The following BRD10 variants were observed in gnomAD, a reference collection of about 807,000 sequenced individuals.
The protein encoded by BRD10 is bromodomain containing 10.
the BRD10 span, among the ~76,000 whole-genome samples, chr9:6,003,416 C>T: frequency 1.3e-5 from 2 of 152,100 alleles, no homozygotes; most frequent in African/African-American, 4.8e-5. Context: ...ATTTTCTATT[C>T]CTTTCCACTT....
At chr9:6,001,402 C>T in the BRD10 span, among the ~76,000 whole-genome samples, 1 of 152,148 alleles carries the variant, frequency 6.6e-6, no homozygotes, top group Admixed American at 6.5e-5. Context: ...ATGATTGGCC[C>T]CAGACTATCT....
At chr9:5,920,500 C>T in the BRD10 span, 9 of 1,613,844 alleles carry the variant, frequency 5.6e-6, no homozygotes, top group Admixed American at 1.2e-4. Context: ...CTAAAGCTTG[C>T]TGATTTGGCA....
At chr9:5,880,195 A>C in the BRD10 span, among the ~76,000 whole-genome samples, 1 of 151,764 alleles carries the variant, frequency 6.6e-6, no homozygotes, top group Admixed American at 6.6e-5. Flanking sequence ...CTGGGATTAC[A>C]GGTGTGAGCC....
the BRD10 span, chr9:5,919,872 G>C: frequency 6.2e-7 from 1 of 1,613,936 alleles, no homozygotes; most frequent in Non-Finnish European, 8.5e-7. Context: ...TTTTTGACAG[G>C]TGGGTCCAAA....
the BRD10 span, chr9:5,988,319 T>C: frequency 6.4e-7 from 1 of 1,569,278 alleles, no homozygotes; most frequent in East Asian, 2.2e-5. Context: ...GCAGCTGAAA[T>C]TATGAATTTT....
At chr9:5,896,409 C>G in the BRD10 span, among the ~76,000 whole-genome samples, 1 of 152,204 alleles carries the variant, frequency 6.6e-6, no homozygotes, top group South Asian at 2.1e-4. Context: ...GAGTTTCCAT[C>G]TAGCACTGTC....
chr9:5,954,530 T>C, the BRD10 span, among the ~76,000 whole-genome samples: 2 of 152,242 alleles, frequency 1.3e-5, no homozygotes, highest in East Asian at 1.9e-4. Context: ...GCCAGCCTAA[T>C]GTGAAAATCC....
chr9:5,984,005 A>ACC, the BRD10 span, among the ~76,000 whole-genome samples: 42 of 145,190 alleles, frequency 2.9e-4, no homozygotes, highest in Non-Finnish European at 4.9e-4. Context: ...ACACACACAC[A>ACC]CCCCTCTCCA....
chr9:5,950,827 C>T, the BRD10 span, among the ~76,000 whole-genome samples: 1 of 151,998 alleles, frequency 6.6e-6, no homozygotes, highest in African/African-American at 2.4e-5. Context: ...ATAACACATC[C>T]TCCCATATAC....
At chr9:5,928,926 A>C in the BRD10 span, 6 of 571,310 alleles carry the variant, frequency 1.1e-5, no homozygotes, top group East Asian at 1.8e-4. Context: ...TGGGCAGTCA[A>C]AAATATCTGC....
the BRD10 span, chr9:5,921,185 G>A: frequency 1.2e-6 from 2 of 1,613,890 alleles, no homozygotes; most frequent in South Asian, 1.1e-5. Context: ...TTCTCCTTTT[G>A]GGGTTACATT....
chr9:5,986,921 C>T, the BRD10 span, among the ~76,000 whole-genome samples: 1 of 152,196 alleles, frequency 6.6e-6, no homozygotes, highest in African/African-American at 2.4e-5. Context: ...TACCTGGACT[C>T]ACCTTTTCAA....
chr9:5,968,043 C>G, the BRD10 span: 9 of 1,486,160 alleles, frequency 6.1e-6, no homozygotes, highest in Non-Finnish European at 7.2e-6. Context: ...TTGTGTTTTG[C>G]TTTTTTTTTG....
chr9:5,944,338 G>C, the BRD10 span, among the ~76,000 whole-genome samples: 7 of 151,686 alleles, frequency 4.6e-5, no homozygotes, highest in East Asian at 1.3e-3. Context: ...AAAAATATTA[G>C]AAAATGAAAG....
At chr9:5,880,516 A>T in the BRD10 span, among the ~76,000 whole-genome samples, 25 of 152,062 alleles carry the variant, frequency 1.6e-4, no homozygotes, top group African/African-American at 5.8e-4. Context: ...TCTGTCTCAA[A>T]CAAACAAACA....
At chr9:5,972,541 A>G in the BRD10 span, among the ~76,000 whole-genome samples, 1 of 152,098 alleles carries the variant, frequency 6.6e-6, no homozygotes, top group Admixed American at 6.5e-5. Flanking sequence ...TCCCATTCTC[A>G]CTGCAGTGAG....
the BRD10 span, among the ~76,000 whole-genome samples, chr9:5,958,320 T>C: frequency 1.3e-5 from 2 of 152,238 alleles, no homozygotes; most frequent in Non-Finnish European, 2.9e-5. Flanking sequence ...AATATGCCTT[T>C]TATAAAAGAA....
chr9:5,947,492 A>G, the BRD10 span, among the ~76,000 whole-genome samples: 1 of 152,130 alleles, frequency 6.6e-6, no homozygotes, highest in African/African-American at 2.4e-5. Context: ...GTTTCTTAAA[A>G]TATTTTTAGC....
At chr9:5,987,995 A>T in the BRD10 span, among the ~76,000 whole-genome samples, 1 of 152,174 alleles carries the variant, frequency 6.6e-6, no homozygotes, top group Non-Finnish European at 1.5e-5. Flanking sequence ...TGAACTACAT[A>T]ATCTCTGGAG....
Sources: allele counts gnomAD v4.1 joint callset (sites outside exome capture counted in the v4.1 genomes callset), GRCh38; gene constraint gnomAD v4.1.1; transcripts MANE v1.5; gene names NCBI Gene and HGNC (gene_info 2026-07-23, HGNC 2026-07-21).